The following EFHC1 variants were observed in gnomAD, a reference collection of about 807,000 sequenced individuals.
EFHC1 encodes the protein EF-hand domain-containing protein 1.
A neutral mutation model predicts 69.9 loss-of-function variants in EFHC1; 53 were observed. The observed-to-expected ratio is 0.76, with a 90% CI of 0.61 to 0.95. EFHC1 has a LOEUF of 0.95. EFHC1 is among the 40% of genes least tolerant of loss of function. EFHC1 has a pLI of 0.00. For missense variants in EFHC1, 739 were observed against 798.7 expected, an observed-to-expected ratio of 0.93 and a Z score of 0.90; for synonymous variants, 256 against 278.4, an observed-to-expected ratio of 0.92 and a Z score of 0.80.
At chr6:52,445,300 T>A (rs181898393) in intron 3 of EFHC1, among the ~76,000 whole-genome samples, 1,964 of 151,506 alleles carry the variant, frequency 0.013, 19 homozygotes, top group African/African-American at 0.024. Flanking sequence ...TTAATTTATT[T>A]ATTTTTTTAT....
rs200328198 is a variant in EFHC1 at position 52,479,670 on chromosome 6, C to T, written c.1523C>T (p.Thr508Ile). The T allele has an allele frequency of 6.2e-7, 1 of 1,614,216 alleles. No homozygotes were observed. The highest frequency in any genetic ancestry group is 1.7e-5 in the Admixed American group (1 of 60,030). The part of the protein sequence containing the change: ...VFGHRFIILD[T>I]DEYVLKYMES... Reference sequence around the variant, plus strand: ...GGTCACCGGTTCATCATCCTTGATACAGACGAGTATGTTTTGAAATACATG... The same window carrying T: ...GGTCACCGGTTCATCATCCTTGATATAGACGAGTATGTTTTGAAATACATG... The change falls in exon 9 of 11, where the codon ACA (threonine) becomes ATA (isoleucine). Residue 508 changes from threonine (T) to isoleucine (I), a missense_variant. By Grantham distance (89) the Thr-to-Ile change is moderately conservative. Transcript: ENST00000371068.
chr6:52,469,483 A>G lies in EFHC1; in HGVS notation c.1278+10A>G, dbSNP rs1765388049. Reference sequence around the variant, plus strand: ...TTATTTGGCTGTACTGGTGAGGCTAATTTTTATATACTAAAGATTCTCTTC... The same window carrying G: ...TTATTTGGCTGTACTGGTGAGGCTAGTTTTTATATACTAAAGATTCTCTTC... On this transcript the variant is annotated intron_variant, in intron 7 of 10. Transcript: ENST00000371068. 1.9e-6 allele frequency: 3 copies of G among 1,613,316 alleles called. No individual in the cohort carries two copies. The highest frequency in any genetic ancestry group is 1.7e-5 in the Admixed American group (1 of 59,968).
intron 2 of EFHC1, among the ~76,000 whole-genome samples, chr6:52,436,351 T>C (rs1764531666): frequency 6.6e-6 from 1 of 152,210 alleles, no homozygotes; most frequent in African/African-American, 2.4e-5. Context: ...GTTTTTATCT[T>C]GTTTTTCCAC....
At chr6:52,483,698 G>A (rs897461904) in intron 9 of EFHC1, 1 of 152,226 alleles carries the variant, frequency 6.6e-6, no homozygotes, top group Non-Finnish European at 1.5e-5. Context: ...CTCTGCCCCA[G>A]ACCTATTTTA....
intron 3 of EFHC1, among the ~76,000 whole-genome samples, chr6:52,444,836 A>G (rs946569301): frequency 6.6e-6 from 1 of 152,080 alleles, no homozygotes; most frequent in East Asian, 1.9e-4. Flanking sequence ...CTCTTTTTCT[A>G]TTGATTGGAA....
intron 5 of EFHC1, among the ~76,000 whole-genome samples, chr6:52,456,066 A>T (rs1416011845): frequency 6.6e-6 from 1 of 152,120 alleles, no homozygotes; most frequent in Admixed American, 6.5e-5. Flanking sequence ...ATTGCATGTG[A>T]GGAGAGGAGA....
intron 7 of EFHC1, among the ~76,000 whole-genome samples, chr6:52,469,900 G>A (rs2114012964): frequency 6.6e-6 from 1 of 152,260 alleles, no homozygotes. Context: ...ATCTTGAGAG[G>A]TTATGTGACT....
intron 9 of EFHC1, chr6:52,484,397 CAACAT>C (rs1224040547): frequency 2.0e-5 from 3 of 152,260 alleles, no homozygotes; most frequent in Admixed American, 2.0e-4. Context: ...CATGTCAACA[CAACAT>C]AATTTTGTGA....
Position 52,420,432 on chromosome 6 carries a change from G to C in EFHC1, c.22G>C (p.Gly8Arg), listed in dbSNP as rs200510672. Residue 8 changes from glycine to arginine, a missense_variant, in exon 1 of 11, where the codon GGC becomes CGC. Physicochemically the swap from Gly to Arg is moderately radical, Grantham distance 125. Transcript: ENST00000371068. ...TGCAATGGTGTCCAATCCCGTGCAT[G>C]GCTTGCCCTTTCTTCCGGGCACGTC... MVSNPVHGLPFLPGTSFK... is the reference protein window; with the variant it reads MVSNPVHRLPFLPGTSFK... 68 of 1,614,122 alleles carry C rather than the reference G, an allele frequency of 4.2e-5. No homozygotes were observed. The highest frequency in any genetic ancestry group is 5.1e-5 in the Non-Finnish European group (60 of 1,180,052).
chr6:52,495,697 T>A lies in EFHC1; in HGVS notation c.*3356T>A. On this transcript the variant is annotated 3_prime_UTR_variant, in exon 11 of 11. Transcript: ENST00000371068. ...TCAAACTCCTGGGCTCATGCAATCC[T>A]CCTGCCTCAGCCTTCTGAGTAGCTA... 2.4e-6 allele frequency: 1 copy of A among 423,230 alleles called. No individual in the cohort carries two copies. The highest frequency in any genetic ancestry group is 4.7e-6 in the Non-Finnish European group (1 of 211,464). The allele number at this position is 423,230 out of a possible 1,614,324, so 26.2% of individuals were successfully genotyped here. A position where few individuals can be genotyped will look rare whatever the true frequency, so the allele number is the denominator to read the frequency against.
At chr6:52,463,177 G>A (rs1419183570) in intron 5 of EFHC1, among the ~76,000 whole-genome samples, 9 of 145,314 alleles carry the variant, frequency 6.2e-5, no homozygotes, top group East Asian at 4.3e-4. Flanking sequence ...ACAGGTGCCC[G>A]CCACCACACC....
chr6:52,479,515 A>G, intron 8 of EFHC1, 125 bp from the exon 9 acceptor site: 1 of 1,436,120 alleles, frequency 7.0e-7, no homozygotes, highest in East Asian at 2.3e-5. Context: ...TCGTTTAAAG[A>G]AAGCTCATTA....
In EFHC1 at chr6:52,479,636, C is replaced by G. The variant is rs1236346519; in HGVS notation, c.1493-4C>G. The G allele has an allele frequency of 1.9e-6, 3 of 1,614,170 alleles. No homozygotes were observed. The highest frequency in any genetic ancestry group is 2.2e-5 in the South Asian group (2 of 91,076). On this transcript the variant is annotated splice_region_variant and splice_polypyrimidine_tract_variant and intron_variant, in intron 8 of 10. Coordinates refer to ENST00000371068, the MANE Select transcript of EFHC1 (RefSeq NM_018100.4). ...AGCTAAGTGTGTTGCTACCTTCTCT[C>G]CAGTGTTTGGTCACCGGTTCATCAT...
chr6:52,442,448 C>T (rs894144954), intron 3 of EFHC1, among the ~76,000 whole-genome samples: 6 of 151,718 alleles, frequency 4.0e-5, no homozygotes, highest in African/African-American at 1.5e-4. Context: ...CTCCCCACAC[C>T]CCCCACCCTA....
chr6:52,423,856 G>A, intron 1 of EFHC1, 90 bp from the exon 2 acceptor site: 1 of 1,570,168 alleles, frequency 6.4e-7, no homozygotes, highest in African/African-American at 1.4e-5. Flanking sequence ...TATAAGCAAA[G>A]ATTCAAGTTA....
intron 9 of EFHC1, chr6:52,487,780 G>C (rs1351004308): frequency 6.6e-6 from 1 of 152,258 alleles, no homozygotes; most frequent in African/African-American, 2.4e-5. Flanking sequence ...GCTTGGCACA[G>C]AGTTCAACTA....
At position 52,494,989 on chromosome 6, in the gene EFHC1, G is replaced by T. The variant is rs952036701; in HGVS notation, c.*2648G>T. Reference sequence around the variant, plus strand: ...TTCCATGTCCTTTGCTCAGAGCCCCGTTTTGGTGAGTTCTTAGAACTCTTT... The same window carrying T: ...TTCCATGTCCTTTGCTCAGAGCCCCTTTTTGGTGAGTTCTTAGAACTCTTT... On this transcript the variant is annotated 3_prime_UTR_variant, in exon 11 of 11. Transcript: ENST00000371068. 4.4e-6 allele frequency: 2 copies of T among 453,890 alleles called. No individual in the cohort carries two copies. The highest frequency in any genetic ancestry group is 4.0e-5 in the African/African-American group (2 of 49,962). 28.1% of individuals were successfully genotyped at this position (453,890 alleles called of 1,614,324 possible).
At chr6:52,467,709 A>T (rs1581840019) in intron 6 of EFHC1, among the ~76,000 whole-genome samples, 2 of 152,236 alleles carry the variant, frequency 1.3e-5, no homozygotes, top group South Asian at 2.1e-4. Flanking sequence ...ATAATAAAAC[A>T]TCTATACATA....
Position 52,459,219 on chromosome 6 carries a change from A to G in EFHC1, c.916+4932A>G, listed in dbSNP as rs187326523. On this transcript the variant is annotated intron_variant, in intron 5 of 10. Coordinates refer to ENST00000371068, the MANE Select transcript of EFHC1 (RefSeq NM_018100.4). ...TACATGTACCCTGAGTCTAAAATTT[A>G]AAAATAAATACATAAATAATAAAAG... 9.2e-5 allele frequency among the ~76,000 whole-genome samples: 14 copies of G among 152,352 alleles called. No homozygotes were observed. In the East Asian group the frequency reaches 2.5e-3, roughly 27 times the overall value.
Sources: gnomAD v4.1 joint callset for allele counts (sites outside exome capture counted in the v4.1 genomes callset) on GRCh38, gnomAD v4.1.1 for gene constraint, MANE v1.5 for transcripts, NCBI Gene and HGNC (gene_info 2026-07-23, HGNC 2026-07-21) for gene names.